CHIA: variants seen among roughly 807,000 people sequenced by gnomAD.
CHIA encodes acidic mammalian chitinase.
In CHIA, 47 loss-of-function variants were observed where a neutral mutation model predicts 53.5. The ratio of observed to expected loss-of-function variants is 0.88; its 90% CI spans 0.70 to 1.12. The LOEUF is 1.12. Among genes scored for constraint, CHIA ranks in the 50% most tolerant of loss-of-function variants. The pLI is 0.00. For synonymous variants in CHIA, 268 were observed against 222.2 expected (o/e 1.21, Z -1.83); for missense variants, 652 against 592.2 (o/e 1.10, Z -1.05).
At chr1:111,318,188 A>G (rs1649329967) in intron 8 of CHIA, 79 bp downstream of exon 8, 2 of 1,339,640 alleles carry the variant, frequency 1.5e-6, no homozygotes, top group Middle Eastern at 1.9e-4. Flanking sequence ...AAAAGGCATC[A>G]TAAGTTTAGT....
chr1:111,314,021 C>A (rs1035712353), intron 4 of CHIA, among the ~76,000 whole-genome samples: 32 of 152,256 alleles, frequency 2.1e-4, no homozygotes, highest in African/African-American at 7.2e-4. Flanking sequence ...GTCCCTACTG[C>A]AATCCAACCG....
At chr1:111,311,305 T>A (rs1405736511) in intron 2 of CHIA, among the ~76,000 whole-genome samples, 1 of 152,220 alleles carries the variant, frequency 6.6e-6, no homozygotes, top group African/African-American at 2.4e-5. Context: ...TTCTCTGATT[T>A]AGCAGATGCC....
chr1:111,310,314 T>C, intron 1 of CHIA, 86 bp from the exon 2 acceptor site: 1 of 1,448,878 alleles, frequency 6.9e-7, no homozygotes, highest in Non-Finnish European at 9.1e-7. Flanking sequence ...AGGTTGAAGG[T>C]CTTGGGAGGG....
chr1:111,300,021 C>G (rs1647580149), intron 1 of CHIA, among the ~76,000 whole-genome samples: 1 of 152,128 alleles, frequency 6.6e-6, no homozygotes, highest in South Asian at 2.1e-4. Context: ...ACTCAACTTA[C>G]AAGAGATGTG....
At chr1:111,318,737 G>T (rs1649393543) in intron 9 of CHIA, 59 bp downstream of exon 9, 15 of 1,520,514 alleles carry the variant, frequency 9.9e-6, no homozygotes, top group Non-Finnish European at 1.2e-5. Context: ...CTTAGGGCTA[G>T]AATCTGCTGA....
At chr1:111,313,576 C>T (rs1042821543) in intron 4 of CHIA, among the ~76,000 whole-genome samples, 5 of 152,110 alleles carry the variant, frequency 3.3e-5, no homozygotes, top group Admixed American at 3.3e-4. Flanking sequence ...CATATGGTTT[C>T]CAACTATTTT....
Position 111,320,355 on chromosome 1 carries a change from G to A in CHIA, c.1320G>A (p.Val440=), listed in dbSNP as rs1299965029. The stretch of plus-strand genomic sequence containing the variant: ...TCAGAGCCAACGGCCTCTACCCCGT[G>A]GCAAATAACAGAAATGCCTTCTGGC... ...CAVRANGLYP[V]ANNRNAFWHC... Residue 440 remains valine (V), a synonymous_variant, in exon 12 of 12, where the codon GTG becomes GTA. Transcript: ENST00000369740. 1 of 1,614,106 alleles carries A rather than the reference G, an allele frequency of 6.2e-7. No homozygotes were observed. Among genetic ancestry groups the A allele is most frequent in the Non-Finnish European group, 8.5e-7 (1 of 1,180,044 alleles).
At position 111,318,677 on chromosome 1, in the gene CHIA, A is replaced by T. The variant is rs775290115; in HGVS notation, c.914A>T (p.Glu305Val). 8.4e-5 allele frequency: 136 copies of T among 1,612,498 alleles called. 1 individual carries two copies. Among genetic ancestry groups the T allele is most frequent in the Non-Finnish European group, 1.1e-4 (132 of 1,179,202 alleles). Reference sequence around the variant, plus strand: ...GAGTCTGGGATCTGGGCTTACTACGAGGTATGTAGATTGGACTGAAAAGTG... The same window carrying T: ...GAGTCTGGGATCTGGGCTTACTACGTGGTATGTAGATTGGACTGAAAAGTG... ...AKESGIWAYYEICTFLKNGAT... is the reference protein window; with the variant it reads ...AKESGIWAYYVICTFLKNGAT... The change falls in exon 9 of 12, where the codon GAG (glutamate) becomes GTG (valine). Residue 305 changes from glutamate (E) to valine (V), a missense_variant and splice_region_variant. Transcript: ENST00000369740.
chr1:111,309,793 C>T (rs985694346), intron 1 of CHIA, among the ~76,000 whole-genome samples: 2 of 152,096 alleles, frequency 1.3e-5, no homozygotes, highest in African/African-American at 4.8e-5. Flanking sequence ...TATTTCTATC[C>T]ATTAGCAACG....
intron 1 of CHIA, among the ~76,000 whole-genome samples, chr1:111,294,341 T>C (rs1011042334): frequency 5.3e-5 from 8 of 152,214 alleles, no homozygotes; most frequent in Admixed American, 5.2e-4. Flanking sequence ...ATTATTTTTA[T>C]AATTTTTCTT....
chr1:111,314,983 T>C (rs1649030680), intron 5 of CHIA: 1 of 421,430 alleles, frequency 2.4e-6, no homozygotes, highest in African/African-American at 2.0e-5. Flanking sequence ...GGGTACATGT[T>C]TGGGGAGGGA....
chr1:111,310,505 T>C lies in CHIA; in HGVS notation c.25+13T>C, dbSNP rs117022485. Reference sequence around the variant, plus strand: ...ATTCTCCTCACAGGTGGGTTTGTAATCAGAGATTGACCCTTCATCTTATCT... The same window carrying C: ...ATTCTCCTCACAGGTGGGTTTGTAACCAGAGATTGACCCTTCATCTTATCT... On this transcript the variant is annotated intron_variant, in intron 2 of 11. Transcript: ENST00000369740. The C allele has an allele frequency of 2.5e-5, 40 of 1,614,222 alleles. No individual in the cohort carries two copies. The East Asian group carries it at 6.0e-4, about 24-fold the overall frequency.
At chr1:111,301,343 A>G (rs1271446762) in intron 1 of CHIA, among the ~76,000 whole-genome samples, 3 of 152,202 alleles carry the variant, frequency 2.0e-5, no homozygotes, top group African/African-American at 7.2e-5. Context: ...ATGTCCATCA[A>G]TGATAGACTG....
In CHIA at chr1:111,317,692, A is replaced by G. The variant is rs745988781; in HGVS notation, c.492A>G (p.Glu164=). 38 of 1,614,078 alleles carry G rather than the reference A, an allele frequency of 2.4e-5. No individual in the cohort carries two copies. Among genetic ancestry groups the G allele is most frequent in the Non-Finnish European group, 3.1e-5 (37 of 1,180,022 alleles). ...LFTVLVQEMR[E]AFEQEAKQIN... is the part of the protein sequence containing the mutation. ...TTATTATTCTGTAGGAAATGCGTGA[A>G]GCTTTTGAGCAGGAGGCCAAGCAGA... Residue 164 remains glutamate (E), a synonymous_variant, in exon 7 of 12, where the codon GAA becomes GAG. Coordinates refer to ENST00000369740, the MANE Select transcript of CHIA (RefSeq NM_201653.4).
chr1:111,298,297 C>T (rs189717038), intron 1 of CHIA, among the ~76,000 whole-genome samples: 443 of 152,270 alleles, frequency 2.9e-3, no homozygotes, highest in Middle Eastern at 6.8e-3. Flanking sequence ...ATACATTCTT[C>T]TCAGCACCAC....
chr1:111,314,073 C>A (rs2786149), intron 4 of CHIA, among the ~76,000 whole-genome samples: 82,869 of 151,920 alleles, frequency 0.55, 23,158 homozygotes, highest in South Asian at 0.63. Flanking sequence ...CCAGATTTTT[C>A]ATGTTGTCCT....
rs567278179 is a variant in CHIA, at chr1:111,298,947, A to G, written c.-69+7997A>G. ...CAGAAATACAAACTACCATCAGAGA[A>G]TATTATAAACACCTCTACACAAATA... On this transcript the variant is annotated intron_variant, in intron 1 of 11. Coordinates refer to ENST00000369740, the MANE Select transcript of CHIA (RefSeq NM_201653.4). 2.4e-3 allele frequency among the ~76,000 whole-genome samples: 366 copies of G among 152,332 alleles called. 2 individuals carry two copies. Among genetic ancestry groups the G allele is most frequent in the African/African-American group, 8.2e-3 (343 of 41,586 alleles).
chr1:111,300,969 CAT>C (rs761867599), intron 1 of CHIA, among the ~76,000 whole-genome samples: 7 of 152,276 alleles, frequency 4.6e-5, no homozygotes, highest in East Asian at 1.9e-4. Context: ...AGCCAACAGA[CAT>C]GTGAAAAAAT....
chr1:111,294,963 A>G (rs974716728), intron 1 of CHIA, among the ~76,000 whole-genome samples: 2 of 152,130 alleles, frequency 1.3e-5, no homozygotes, highest in Non-Finnish European at 2.9e-5. Context: ...TTTTTGCATC[A>G]GTGTTTATAA....
Sources: gnomAD v4.1 joint callset for allele counts (sites outside exome capture counted in the v4.1 genomes callset) on GRCh38, gnomAD v4.1.1 for gene constraint, MANE v1.5 for transcripts, NCBI Gene and HGNC (gene_info 2026-07-23, HGNC 2026-07-21) for gene names.